MSI2: variants seen among roughly 807,000 people sequenced by gnomAD.
The protein encoded by MSI2 is musashi RNA binding protein 2.
Under a neutral mutation model 45.6 loss-of-function variants are expected in MSI2, and 17 were observed. The ratio of observed to expected loss-of-function variants is 0.37; its 90% CI spans 0.26 to 0.56. The LOEUF (loss-of-function observed/expected upper bound fraction) is 0.56, where lower values mean the gene tolerates loss of function less well. Among genes scored for constraint, MSI2 ranks in the 20% least tolerant of loss-of-function variants. MSI2 has a pLI of 0.77. For synonymous variants in MSI2, 156 were observed against 158.2 expected, an observed-to-expected ratio of 0.99 and a Z score of 0.11; for missense variants, 293 against 444.2, an observed-to-expected ratio of 0.66 and a Z score of 3.06.
chr17:57,311,715 CG>C (rs527998211), intron 5 of MSI2, among the ~76,000 whole-genome samples: 380 of 152,188 alleles, frequency 2.5e-3, no homozygotes, highest in African/African-American at 8.4e-3. Context: ...CTGCTATGCC[CG>C]GTAATTTTTA....
chr17:57,403,785 A>G (rs2037076759), intron 6 of MSI2, among the ~76,000 whole-genome samples: 1 of 152,188 alleles, frequency 6.6e-6, no homozygotes, highest in African/African-American at 2.4e-5. Context: ...ATCCAGAATG[A>G]TCAAAGTCAG....
At chr17:57,377,764 C>T (rs1300888133) in intron 5 of MSI2, among the ~76,000 whole-genome samples, 6 of 152,132 alleles carry the variant, frequency 3.9e-5, no homozygotes, top group Admixed American at 1.3e-4. Flanking sequence ...GTCTTCCACT[C>T]GCTCCATCCC....
intron 5 of MSI2, among the ~76,000 whole-genome samples, chr17:57,277,353 C>T (rs1264361799): frequency 2.0e-5 from 3 of 152,164 alleles, no homozygotes; most frequent in Non-Finnish European, 2.9e-5. Context: ...CCACCGCACC[C>T]GGGCTGGTTT....
At chr17:57,335,832 G>C (rs986424589) in intron 5 of MSI2, among the ~76,000 whole-genome samples, 3 of 152,224 alleles carry the variant, frequency 2.0e-5, no homozygotes, top group African/African-American at 7.2e-5. Context: ...CAAAGGCCTA[G>C]AGGCAGAAGC....
chr17:57,548,689 G>T (rs1341297069), intron 7 of MSI2, among the ~76,000 whole-genome samples: 1 of 152,104 alleles, frequency 6.6e-6, no homozygotes, highest in East Asian at 1.9e-4. Context: ...GGCTGGGAGC[G>T]GGTGGGGGTG....
chr17:57,352,337 CTATT>C (rs1916089727), intron 5 of MSI2, among the ~76,000 whole-genome samples: 1 of 152,164 alleles, frequency 6.6e-6, no homozygotes, highest in South Asian at 2.1e-4. Flanking sequence ...GCCGCCCTTC[CTATT>C]TATTCTTTTG....
At chr17:57,664,042 G>A (rs1912199810) in intron 11 of MSI2, among the ~76,000 whole-genome samples, 1 of 152,092 alleles carries the variant, frequency 6.6e-6, no homozygotes, top group Non-Finnish European at 1.5e-5. Flanking sequence ...GAGCATAGAA[G>A]GCAGAGTAGG....
intron 5 of MSI2, among the ~76,000 whole-genome samples, chr17:57,386,632 G>C (rs938758634): frequency 6.6e-5 from 10 of 152,194 alleles, no homozygotes; most frequent in African/African-American, 1.9e-4. Flanking sequence ...CATTGACCAT[G>C]GTCCTCCCTT....
chr17:57,605,834 T>TG (rs1480206433), intron 8 of MSI2, among the ~76,000 whole-genome samples: 1 of 152,204 alleles, frequency 6.6e-6, no homozygotes, highest in Non-Finnish European at 1.5e-5. Context: ...TTTAAATAAA[T>TG]GAAGTTAGGC....
intron 13 of MSI2, among the ~76,000 whole-genome samples, chr17:57,678,161 G>C (rs956500235): frequency 6.6e-6 from 1 of 152,220 alleles, no homozygotes; most frequent in African/African-American, 2.4e-5. Flanking sequence ...TGGCTCCTGA[G>C]TCGGACCAGG....
chr17:57,381,453 C>T (rs2083596601), intron 5 of MSI2, among the ~76,000 whole-genome samples: 1 of 142,752 alleles, frequency 7.0e-6, no homozygotes, highest in South Asian at 2.1e-4. Context: ...AGGCAGTGAC[C>T]CTCCCTCCTC....
At chr17:57,412,701 A>C (rs2143211096) in intron 6 of MSI2, among the ~76,000 whole-genome samples, 1 of 152,362 alleles carries the variant, frequency 6.6e-6, no homozygotes, top group South Asian at 2.1e-4. Context: ...GGTTGTGGCT[A>C]TATTCCAATA....
At chr17:57,425,864 A>G (rs1202181488) in intron 6 of MSI2, among the ~76,000 whole-genome samples, 6 of 152,162 alleles carry the variant, frequency 3.9e-5, no homozygotes, top group Non-Finnish European at 8.8e-5. Flanking sequence ...TTACATTTCT[A>G]CCAGTTAAGG....
intron 6 of MSI2, among the ~76,000 whole-genome samples, chr17:57,429,878 C>T (rs2143371809): frequency 6.6e-6 from 1 of 152,326 alleles, no homozygotes; most frequent in South Asian, 2.1e-4. Context: ...TGAACGTGGA[C>T]ACTGGGAGCA....
intron 6 of MSI2, among the ~76,000 whole-genome samples, chr17:57,517,089 C>G (rs1269466707): frequency 6.6e-6 from 1 of 152,188 alleles, no homozygotes; most frequent in Non-Finnish European, 1.5e-5. Context: ...AAGACAGTTT[C>G]GGAATTCAAA....
intron 6 of MSI2, among the ~76,000 whole-genome samples, chr17:57,413,582 TTA>T (rs2084237633): frequency 6.6e-6 from 1 of 152,000 alleles, no homozygotes; most frequent in Admixed American, 6.5e-5. Context: ...TAAAATATCT[TTA>T]TATATATTGA....
At chr17:57,562,339 T>C (rs1388520383) in intron 7 of MSI2, among the ~76,000 whole-genome samples, 1 of 152,254 alleles carries the variant, frequency 6.6e-6, no homozygotes, top group African/African-American at 2.4e-5. Flanking sequence ...AGGCCTCTTC[T>C]CATGGTGCTT....
chr17:57,556,902 T>C (rs992852944), intron 7 of MSI2, among the ~76,000 whole-genome samples: 1 of 152,212 alleles, frequency 6.6e-6, no homozygotes, highest in Non-Finnish European at 1.5e-5. Context: ...ATGTATAATG[T>C]CTGGCCTTAT....
At chr17:57,307,583 C>T (rs1377630761) in intron 5 of MSI2, among the ~76,000 whole-genome samples, 1 of 152,210 alleles carries the variant, frequency 6.6e-6, no homozygotes. Flanking sequence ...TGCCACCACA[C>T]CCAGCTAATT....
Sources: allele counts gnomAD v4.1 joint callset (sites outside exome capture counted in the v4.1 genomes callset), GRCh38; gene constraint gnomAD v4.1.1; transcripts MANE v1.5; gene names NCBI Gene and HGNC (gene_info 2026-07-23, HGNC 2026-07-21).